Variants in CLVS1 observed in about 807,000 individuals in gnomAD.
CLVS1 encodes the protein clavesin-1.
CLVS1 carries 10 observed loss-of-function variants against 33.1 expected under a neutral mutation model. The ratio of observed to expected loss-of-function variants is 0.30; its 90% CI spans 0.19 to 0.51. CLVS1 has a LOEUF of 0.51. Ranked by LOEUF, CLVS1 falls within the 20% of genes least tolerant of loss-of-function variation. The probability of loss-of-function intolerance (pLI) is 0.97; values close to 1 mark genes in which losing one functional copy is unlikely to be tolerated. For missense variants in CLVS1, 343 were observed against 433.4 expected, an observed-to-expected ratio of 0.79 and a Z score of 1.85; for synonymous variants, 163 against 166.1, an observed-to-expected ratio of 0.98 and a Z score of 0.14.
At chr8:61,193,700 C>T (rs1807543723) in intron 2 of CLVS1, among the ~76,000 whole-genome samples, 1 of 151,540 alleles carries the variant, frequency 6.6e-6, no homozygotes, top group South Asian at 2.1e-4. Context: ...CATTTTCAGA[C>T]AAAAAGAGAT....
At chr8:61,237,577 G>A (rs1808594909) in intron 2 of CLVS1, among the ~76,000 whole-genome samples, 1 of 152,168 alleles carries the variant, frequency 6.6e-6, no homozygotes, top group African/African-American at 2.4e-5. Context: ...CCTAAGAGCT[G>A]AGCATATTGC....
intron 1 of CLVS1, among the ~76,000 whole-genome samples, chr8:61,068,920 G>C (rs756453098): frequency 3.3e-5 from 5 of 152,156 alleles, no homozygotes; most frequent in Non-Finnish European, 5.9e-5. Context: ...TCCAGCCTGA[G>C]ACTCTGTCTT....
intron 2 of CLVS1, among the ~76,000 whole-genome samples, chr8:61,155,674 T>C (rs935333365): frequency 1.2e-4 from 19 of 152,066 alleles, no homozygotes; most frequent in Admixed American, 9.2e-4. Flanking sequence ...ACCACAGGAA[T>C]AGCTATGAAA....
intron 2 of CLVS1, among the ~76,000 whole-genome samples, chr8:61,268,339 C>T (rs1296363599): frequency 6.6e-6 from 1 of 151,836 alleles, no homozygotes; most frequent in Non-Finnish European, 1.5e-5. Flanking sequence ...CTACAAAGGA[C>T]ATGAACTCAT....
At chr8:61,211,676 G>C (rs1226571317) in intron 2 of CLVS1, among the ~76,000 whole-genome samples, 1 of 152,164 alleles carries the variant, frequency 6.6e-6, no homozygotes, top group Admixed American at 6.5e-5. Flanking sequence ...CAGAATTATG[G>C]CCCCCCAAAG....
intron 5 of CLVS1, among the ~76,000 whole-genome samples, chr8:61,462,682 G>C (rs1344176505): frequency 6.6e-6 from 1 of 152,142 alleles, no homozygotes; most frequent in Non-Finnish European, 1.5e-5. Flanking sequence ...CTTTTTTTCT[G>C]AGCAGTAAGT....
chr8:61,184,090 C>T (rs983097548), intron 2 of CLVS1, among the ~76,000 whole-genome samples: 1 of 152,158 alleles, frequency 6.6e-6, no homozygotes, highest in Non-Finnish European at 1.5e-5. Context: ...CTTAATAATG[C>T]CAGAACCTAC....
the CLVS1 span, among the ~76,000 whole-genome samples, chr8:61,031,749 G>A: frequency 2.7e-4 from 41 of 152,298 alleles, no homozygotes; most frequent in East Asian, 6.9e-3. Flanking sequence ...GGGACAAGGC[G>A]ATGAGTGGCT....
chr8:61,078,861 T>A (rs945768932), intron 1 of CLVS1, among the ~76,000 whole-genome samples: 1 of 152,206 alleles, frequency 6.6e-6, no homozygotes, highest in Non-Finnish European at 1.5e-5. Context: ...TAAATTAAAT[T>A]CCAGTGTTTA....
At chr8:61,437,218 T>A (rs892005445) in intron 3 of CLVS1, among the ~76,000 whole-genome samples, 2 of 152,182 alleles carry the variant, frequency 1.3e-5, no homozygotes, top group African/African-American at 2.4e-5. Context: ...CAACTTGTAA[T>A]CCCTTCATTT....
At chr8:61,135,883 T>C (rs184385046) in intron 2 of CLVS1, among the ~76,000 whole-genome samples, 31 of 152,332 alleles carry the variant, frequency 2.0e-4, no homozygotes, top group Admixed American at 2.0e-3. Context: ...ATGAAGCCTG[T>C]AGGATATTCA....
chr8:61,406,797 TG>T (rs1815008401), intron 3 of CLVS1, among the ~76,000 whole-genome samples: 1 of 152,066 alleles, frequency 6.6e-6, no homozygotes, highest in Non-Finnish European at 1.5e-5. Context: ...TTAGTAGAGA[TG>T]GGGTTTCACT....
chr8:61,232,045 T>TGTTTC (rs1808456624), intron 2 of CLVS1, among the ~76,000 whole-genome samples: 2 of 127,380 alleles, frequency 1.6e-5, no homozygotes, highest in Non-Finnish European at 3.1e-5. Flanking sequence ...TTTTTTTTTT[T>TGTTTC]TTTTTGTGAG....
chr8:61,206,195 G>T (rs545641658), intron 2 of CLVS1, among the ~76,000 whole-genome samples: 81 of 152,252 alleles, frequency 5.3e-4, no homozygotes, highest in African/African-American at 1.8e-3. Flanking sequence ...TCTTTGCTCA[G>T]ATGTTGTCTT....
At position 61,120,980 on chromosome 8, in the gene CLVS1, C is replaced by T. The variant is rs988392122; in HGVS notation, c.-242-10790C>T. On this transcript the variant is annotated intron_variant, in intron 1 of 2. Coordinates refer to the CLVS1 transcript ENST00000522621. ...GGTGCCCCTCCCCCAGCCTCGCTGCCGCCTTGTAGTTTGATCTCAGACTGC... is the reference window on the plus strand; with the variant it reads ...GGTGCCCCTCCCCCAGCCTCGCTGCTGCCTTGTAGTTTGATCTCAGACTGC... Among the ~76,000 whole-genome samples the T allele has an allele frequency of 6.5e-4, 98 of 150,170 alleles. No individual in the cohort carries two copies. The Middle Eastern group carries it at 0.014, about 21-fold the overall frequency.
chr8:61,132,972 C>T (rs1280267701), intron 2 of CLVS1, among the ~76,000 whole-genome samples: 1 of 152,178 alleles, frequency 6.6e-6, no homozygotes, highest in East Asian at 1.9e-4. Context: ...GCCTGGAGGC[C>T]TGAGCAGCTC....
chr8:61,098,147 G>A (rs544026216), intron 1 of CLVS1, among the ~76,000 whole-genome samples: 1 of 152,096 alleles, frequency 6.6e-6, no homozygotes, highest in Non-Finnish European at 1.5e-5. Flanking sequence ...GTGACAGAGC[G>A]AGACTCTGTC....
At chr8:61,030,375 G>A in the CLVS1 span, among the ~76,000 whole-genome samples, 178 of 152,248 alleles carry the variant, frequency 1.2e-3, no homozygotes, top group Non-Finnish European at 2.0e-3. Context: ...ATCTAGAATC[G>A]ATGAAGTTAT....
intron 3 of CLVS1, among the ~76,000 whole-genome samples, chr8:61,446,923 C>A (rs1325314177): frequency 6.7e-6 from 1 of 148,368 alleles, no homozygotes; most frequent in Non-Finnish European, 1.5e-5. Flanking sequence ...TTATTGATTT[C>A]TAGTTTGATT....
Sources: gnomAD v4.1 joint callset for allele counts (sites outside exome capture counted in the v4.1 genomes callset) on GRCh38, gnomAD v4.1.1 for gene constraint, MANE v1.5 for transcripts, NCBI Gene and HGNC (gene_info 2026-07-23, HGNC 2026-07-21) for gene names.